HPS1: variants seen among roughly 807,000 people sequenced by gnomAD.
HPS1 encodes BLOC-3 complex member HPS1.
In HPS1, 59 loss-of-function variants were observed where a neutral mutation model predicts 90.6. The ratio of observed to expected loss-of-function variants is 0.65; its 90% confidence interval spans 0.53 to 0.81. HPS1 has a LOEUF of 0.81. Ranked by LOEUF, HPS1 falls within the 30% of genes least tolerant of loss-of-function variation. HPS1 has a pLI of 0.00. For synonymous variants in HPS1, 388 were observed against 384.4 expected, an observed-to-expected ratio of 1.01 and a Z score of -0.11; for missense variants, 849 against 896.7, an observed-to-expected ratio of 0.95 and a Z score of 0.68.
chr10:98,442,510 T>C (rs1180729492), intron 3 of HPS1: 2 of 161,106 alleles, frequency 1.2e-5, no homozygotes, highest in African/African-American at 4.8e-5. Context: ...GTGTTCAGCT[T>C]ACGTTAAACT....
intron 5 of HPS1, 86 bp from the exon 6 acceptor site, chr10:98,434,177 A>C: frequency 5.4e-5 from 75 of 1,377,418 alleles, no homozygotes; most frequent in Non-Finnish European, 6.8e-5. Context: ...GTCTCAGCTC[A>C]GCATCAGAGC....
At chr10:98,443,830 C>T (rs1343614978) in intron 2 of HPS1, among the ~76,000 whole-genome samples, 6 of 152,200 alleles carry the variant, frequency 3.9e-5, no homozygotes, top group South Asian at 4.1e-4. Context: ...GTCAGGAGTT[C>T]GAGACCAGCC....
At chr10:98,414,062 C>CAT (rs200311255), downstream of HPS1, 866 of 151,906 alleles carry the variant, frequency 5.7e-3, 11 homozygotes, top group African/African-American at 0.02. Flanking sequence ...AACACATATA[C>CAT]ATATATATAC....
At chr10:98,441,641 T>C (rs1236524713) in intron 3 of HPS1, among the ~76,000 whole-genome samples, 1 of 152,092 alleles carries the variant, frequency 6.6e-6, no homozygotes, top group Non-Finnish European at 1.5e-5. Context: ...CAAAATATAT[T>C]AGAAGCTCTC....
intron 3 of HPS1, among the ~76,000 whole-genome samples, chr10:98,436,695 C>T (rs12780272): frequency 0.029 from 4,422 of 152,188 alleles, 106 homozygotes; most frequent in Non-Finnish European, 0.043. Flanking sequence ...TCAAATTCTC[C>T]GTAGTGGAAT....
chr10:98,428,885 A>G (rs1267378799), intron 10 of HPS1, among the ~76,000 whole-genome samples: 1 of 150,592 alleles, frequency 6.6e-6, no homozygotes. Flanking sequence ...TCTGTCGCCC[A>G]GGCTGGAGTG....
downstream of HPS1, chr10:98,414,715 G>C (rs1316733442): frequency 4.2e-5 from 14 of 335,872 alleles, no homozygotes; most frequent in Non-Finnish European, 7.6e-5. Context: ...GAGATATAGG[G>C]AAACCCCTGA....
Position 98,435,792 on chromosome 10 carries a change from T to A in HPS1, c.118-20A>T. On this transcript the variant is annotated intron_variant, in intron 3 of 19. Coordinates refer to ENST00000361490, the MANE Select transcript of HPS1 (RefSeq NM_000195.5). This position sits in a 1 kb window ranked among gnomAD's most constrained non-coding sequence, Gnocchi z 4.3. ...AGGGAGCTGCAAAAATGGGGGAAAA[T>A]TTCACAGCTTAGAGTGGGCCAGACA... 6.2e-7 allele frequency: 1 copy of A among 1,613,506 alleles called. No individual in the cohort carries two copies. Among genetic ancestry groups the A allele is most frequent in the South Asian group, 1.1e-5 (1 of 91,016 alleles).
At chr10:98,420,805 G>C (rs1260038894) in intron 17 of HPS1, among the ~76,000 whole-genome samples, 1 of 152,174 alleles carries the variant, frequency 6.6e-6, no homozygotes, top group Non-Finnish European at 1.5e-5. Flanking sequence ...GAACACAGGA[G>C]AACAAGGTGT....
downstream of HPS1, chr10:98,415,111 A>G (rs775802749): frequency 1.2e-6 from 2 of 1,613,790 alleles, no homozygotes; most frequent in Non-Finnish European, 1.7e-6. Flanking sequence ...ACAGCCTTGC[A>G]GAGACCTCGG....
rs1846086077 is a variant in HPS1 at position 98,429,560 on chromosome 10, C to T, written c.937+13G>A. On this transcript the variant is annotated intron_variant, in intron 10 of 19. Coordinates refer to ENST00000361490, the MANE Select transcript of HPS1 (RefSeq NM_000195.5). ...CTAGCTATTGTTTCCTCCTGCTTTC[C>T]TCCGGTCCTCACCTGAGCTCTGATC... 6.8e-6 allele frequency: 11 copies of T among 1,614,208 alleles called. No individual in the cohort carries two copies. The highest frequency in any genetic ancestry group is 2.2e-5 in the East Asian group (1 of 44,878).
At chr10:98,419,968 A>G in intron 18 of HPS1, 77 bp downstream of exon 18, 1 of 965,568 alleles carries the variant, frequency 1.0e-6, no homozygotes, top group South Asian at 1.3e-5. Flanking sequence ...ACAACAATTC[A>G]GAAGAAAGGA....
rs1035627504 is a variant in HPS1 at position 98,445,237 on chromosome 10, CA to C, written c.-1+62del. 3 of 152,646 alleles carry C rather than the reference CA, an allele frequency of 2.0e-5. No homozygotes were observed. The highest frequency in any genetic ancestry group is 1.3e-4 in the Admixed American group (2 of 15,276). 9.5% of individuals were successfully genotyped at this position (152,646 alleles called of 1,614,324 possible). A position where few individuals can be genotyped will look rare whatever the true frequency, so the allele number is the denominator to read the frequency against. ...TGCCTACCTCATTCCATCTGCCTCCCAAAGCCCCAGGGTGGATGCTGCCTGC... is the reference window on the plus strand; with the variant it reads ...TGCCTACCTCATTCCATCTGCCTCCCAAGCCCCAGGGTGGATGCTGCCTGC... On this transcript the variant is annotated intron_variant, in intron 2 of 19. Transcript: ENST00000361490. The surrounding 1 kb of genome is among the most constrained non-coding windows in gnomAD (Gnocchi z 4.5).
At position 98,434,959 on chromosome 10, in the gene HPS1, T is replaced by C. The variant is rs11594404; in HGVS notation, c.398+313A>G. 60,118 of 408,242 alleles carry C rather than the reference T, an allele frequency of 0.15. 5,046 individuals are homozygous for C. The highest frequency in any genetic ancestry group is 0.21 in the South Asian group (9,408 of 45,682). 25.3% of individuals were successfully genotyped at this position (408,242 alleles called of 1,614,324 possible). A position where few individuals can be genotyped will look rare whatever the true frequency, so the allele number is the denominator to read the frequency against. ...CTCAGACCAGATTTGTAATGACGGG[T>C]GATGATGTTGGGAGGATGGAAAGAG... is the stretch of plus-strand genomic sequence containing the variant. On this transcript the variant is annotated intron_variant, in intron 5 of 19. Coordinates refer to ENST00000361490, the MANE Select transcript of HPS1 (RefSeq NM_000195.5).
chr10:98,437,610 A>T (rs1026811826), intron 3 of HPS1, among the ~76,000 whole-genome samples: 1 of 152,262 alleles, frequency 6.6e-6, no homozygotes, highest in African/African-American at 2.4e-5. Flanking sequence ...TAGGAGCAAC[A>T]GGCCATACTG....
chr10:98,420,610 G>C (rs1458364324), intron 17 of HPS1, among the ~76,000 whole-genome samples: 1 of 152,104 alleles, frequency 6.6e-6, no homozygotes, highest in Admixed American at 6.5e-5. Flanking sequence ...CAGCTATTTG[G>C]GGGGCTGAGA....
chr10:98,425,808 G>A lies in HPS1; in HGVS notation c.1155+10C>T, dbSNP rs1028824282. ...AAGCATCATCAGGGCAGGGTGAGGG[G>A]CTCTCCTACCCTGGTCAGGAGCACC... On this transcript the variant is annotated intron_variant, in intron 12 of 19. Transcript: ENST00000361490. 1 of 1,611,836 alleles carries A rather than the reference G, an allele frequency of 6.2e-7. No individual in the cohort carries two copies. The highest frequency in any genetic ancestry group is 1.3e-5 in the African/African-American group (1 of 75,024).
intron 18 of HPS1, among the ~76,000 whole-genome samples, chr10:98,418,595 G>A (rs1401669268): frequency 6.6e-6 from 1 of 152,232 alleles, no homozygotes; most frequent in East Asian, 1.9e-4. Flanking sequence ...CCAAGCCTCT[G>A]CTCTGAAAGA....
chr10:98,426,134 C>T (rs1845576659), intron 11 of HPS1, 149 bp from the exon 12 acceptor site: 2 of 683,302 alleles, frequency 2.9e-6, no homozygotes, highest in African/African-American at 1.8e-5. Flanking sequence ...AACCTGCCCT[C>T]GCAGCTCCAG....
Sources: gnomAD v4.1 joint callset for allele counts (sites outside exome capture counted in the v4.1 genomes callset) on GRCh38, gnomAD v4.1.1 for gene constraint, Gnocchi (gnomAD v3.1) non-coding constraint, MANE v1.5 for transcripts, NCBI Gene and HGNC (gene_info 2026-07-23, HGNC 2026-07-21) for gene names.